PLEKHA8: variants seen among roughly 807,000 people sequenced by gnomAD.
The protein encoded by PLEKHA8 is pleckstrin homology domain-containing family A member 8.
PLEKHA8 carries 36 observed loss-of-function variants against 68.2 expected under a neutral mutation model. The ratio of observed to expected loss-of-function variants is 0.53; its 90% CI spans 0.40 to 0.70. The LOEUF is 0.70. Among genes scored for constraint, PLEKHA8 ranks in the 30% least tolerant of loss-of-function variants. The probability of loss-of-function intolerance (pLI) is 0.00; values close to 1 mark genes in which losing one functional copy is unlikely to be tolerated. For synonymous variants in PLEKHA8, 211 were observed against 216.1 expected, an observed-to-expected ratio of 0.98 and a Z score of 0.20; for missense variants, 505 against 615.4, an observed-to-expected ratio of 0.82 and a Z score of 1.90.
At chr7:30,077,526 GTCT>G (rs1177953987) in intron 13 of PLEKHA8, among the ~76,000 whole-genome samples, 1 of 152,140 alleles carries the variant, frequency 6.6e-6, no homozygotes, top group Non-Finnish European at 1.5e-5. Context: ...AGTGGTATTA[GTCT>G]TCTTCTATAA....
At chr7:30,108,067 C>CA (rs796801365) in intron 13 of PLEKHA8, among the ~76,000 whole-genome samples, 1,520 of 50,948 alleles carry the variant, frequency 0.03, 14 homozygotes, top group East Asian at 0.094. Context: ...AACTCCATCT[C>CA]AAAAAAAAAA....
intron 5 of PLEKHA8, among the ~76,000 whole-genome samples, chr7:30,050,076 C>T (rs1427600751): frequency 2.6e-5 from 4 of 152,100 alleles, no homozygotes; most frequent in African/African-American, 9.7e-5. Context: ...ACCTTTATAC[C>T]TCTAGTATTT....
chr7:30,049,493 A>G (rs753611529), intron 5 of PLEKHA8, 111 bp downstream of exon 5: 15 of 1,367,560 alleles, frequency 1.1e-5, no homozygotes, highest in Non-Finnish European at 1.5e-5. Flanking sequence ...CAGTTTTTTA[A>G]TGGACTTTGC....
intron 13 of PLEKHA8, among the ~76,000 whole-genome samples, chr7:30,103,793 A>C (rs1795958795): frequency 6.6e-6 from 1 of 152,246 alleles, no homozygotes; most frequent in Non-Finnish European, 1.5e-5. Context: ...CTGAATGTAA[A>C]AGTGAAAATT....
In PLEKHA8 at chr7:30,054,861, A is replaced by G; in HGVS notation, c.949A>G (p.Thr317Ala). ...VIPTFFSTMN[T>A]SFSDIELLED... is the part of the protein sequence containing the mutation. ...CCCAACTTTCTTTAGTACCATGAAC[A>G]CAAGGTATTCTAGACTCTTTAATAT... The change falls in exon 8 of 14, where the codon ACA becomes GCA. Residue 317 changes from threonine (T) to alanine (A), a missense_variant. Coordinates refer to ENST00000449726, the MANE Select transcript of PLEKHA8 (RefSeq NM_001197026.2). 6.2e-7 allele frequency: 1 copy of G among 1,603,088 alleles called. No homozygotes were observed. The highest frequency in any genetic ancestry group is 1.7e-5 in the Admixed American group (1 of 57,772).
At chr7:30,126,892 TGTG>T (rs544645999) in intron 13 of PLEKHA8, among the ~76,000 whole-genome samples, 234 of 152,280 alleles carry the variant, frequency 1.5e-3, no homozygotes, top group African/African-American at 5.4e-3. Context: ...TCCCACAACA[TGTG>T]GGAATTATGG....
At chr7:30,101,548 C>T (rs1291747847) in intron 13 of PLEKHA8, among the ~76,000 whole-genome samples, 2 of 152,070 alleles carry the variant, frequency 1.3e-5, no homozygotes, top group Admixed American at 1.3e-4. Flanking sequence ...CACAGCAGTC[C>T]CATTCATGAG....
At chr7:30,035,368 C>T (rs1419737211) in intron 1 of PLEKHA8, among the ~76,000 whole-genome samples, 1 of 152,158 alleles carries the variant, frequency 6.6e-6, no homozygotes, top group Non-Finnish European at 1.5e-5. Context: ...TGCAGACATG[C>T]TCCACTGTGT....
In PLEKHA8 at chr7:30,074,090, A is replaced by C. The variant is rs11977829; in HGVS notation, c.1320A>C (p.Thr440=). The change falls in exon 13 of 14, where the codon ACA becomes ACC. Residue 440 remains threonine, a synonymous_variant. Coordinates refer to ENST00000449726, the MANE Select transcript of PLEKHA8 (RefSeq NM_001197026.2). The stretch of plus-strand genomic sequence containing the variant: ...TTCAAGATAATGCATATGGTAAAAC[A>C]TTGCGGCAACACCATGGCTGGGTAG... ...QTALNNAYGK[T]LRQHHGWVVR... The C allele has an allele frequency of 6.2e-7, 1 of 1,610,560 alleles. No homozygotes were observed. Among genetic ancestry groups the C allele is most frequent in the Non-Finnish European group, 8.5e-7 (1 of 1,177,588 alleles).
At chr7:30,099,096 A>G (rs1265280285) in intron 13 of PLEKHA8, among the ~76,000 whole-genome samples, 5 of 152,226 alleles carry the variant, frequency 3.3e-5, no homozygotes, top group Non-Finnish European at 5.9e-5. Context: ...TTTTATTTTT[A>G]TAAAGTACTT....
rs1455922049 is a variant in PLEKHA8 at position 30,080,205 on chromosome 7, AG to A, written c.*1419del. The A allele has an allele frequency of 2.0e-6, 2 of 985,292 alleles. No individual in the cohort carries two copies. The highest frequency in any genetic ancestry group is 1.2e-6 in the Non-Finnish European group (1 of 829,906). 61.0% of individuals were successfully genotyped at this position (985,292 alleles called of 1,614,324 possible). ...AGTTTCTTAAACTTCTTAAAACTTA[AG>A]AAACATTGTTTCATAAAACAATATT... On this transcript the variant is annotated 3_prime_UTR_variant, in exon 14 of 14. Transcript: ENST00000449726.
chr7:30,095,031 G>C (rs533318035), downstream of PLEKHA8, among the ~76,000 whole-genome samples: 5 of 152,082 alleles, frequency 3.3e-5, no homozygotes, highest in Admixed American at 6.5e-5. Flanking sequence ...AATCCTTTGG[G>C]TATATACTCA....
At chr7:30,044,829 A>T (rs1791822565) in intron 1 of PLEKHA8, among the ~76,000 whole-genome samples, 1 of 152,226 alleles carries the variant, frequency 6.6e-6, no homozygotes, top group South Asian at 2.1e-4. Context: ...TCATTAGTGT[A>T]CTTGTTGCTT....
At chr7:30,065,518 A>G (rs543529478) in intron 12 of PLEKHA8, among the ~76,000 whole-genome samples, 8 of 150,416 alleles carry the variant, frequency 5.3e-5, no homozygotes, top group Non-Finnish European at 1.0e-4. Context: ...AGGCTCCTTG[A>G]TGCATATTTC....
At position 30,118,089 on chromosome 7, in the gene PLEKHA8, G is replaced by A. The variant is rs926356737; in HGVS notation, c.1363-11177G>A. The A allele has an allele frequency of 5.7e-6, 8 of 1,396,608 alleles. No homozygotes were observed. In the East Asian group the frequency reaches 8.2e-5, roughly 14 times the overall value. The allele number at this position is 1,396,608 out of a possible 1,614,324, so 86.5% of individuals were successfully genotyped here. A position where few individuals can be genotyped will look rare whatever the true frequency, so the allele number is the denominator to read the frequency against. The stretch of plus-strand genomic sequence containing the variant: ...ACAGGATGCATCACATCTGGGTGAC[G>A]CCTCTCTCCAGGGGATCAGCCTGGA... On this transcript the variant is annotated intron_variant, in intron 13 of 13. Transcript: ENST00000396257.
chr7:30,034,010 C>CTTTTTTTTTTTTTTT (rs56796780), intron 1 of PLEKHA8, among the ~76,000 whole-genome samples: 1 of 34,632 alleles, frequency 2.9e-5, no homozygotes, highest in African/African-American at 1.3e-4. Context: ...TAAGAGGTTT[C>CTTTTTTTTTTTTTTT]TTTTTTTTTT....
At chr7:30,070,957 A>G (rs1794196210) in intron 12 of PLEKHA8, among the ~76,000 whole-genome samples, 1 of 152,204 alleles carries the variant, frequency 6.6e-6, no homozygotes, top group Non-Finnish European at 1.5e-5. Context: ...TGTGAATTTC[A>G]ACTTGTTATT....
chr7:30,046,155 GGCT>G, intron 2 of PLEKHA8, 52 bp from the exon 3 acceptor site: 1 of 1,463,328 alleles, frequency 6.8e-7, no homozygotes. Context: ...GTGGGTTGGA[GGCT>G]ACCCAGACAG....
chr7:30,092,648 G>A (rs1051689286), downstream of PLEKHA8, among the ~76,000 whole-genome samples: 6 of 151,976 alleles, frequency 3.9e-5, no homozygotes, highest in East Asian at 1.9e-4. Context: ...CCCCTTATTC[G>A]GAGCACACTC....
Sources: gnomAD v4.1 joint callset for allele counts (sites outside exome capture counted in the v4.1 genomes callset) on GRCh38, gnomAD v4.1.1 for gene constraint, MANE v1.5 for transcripts, NCBI Gene and HGNC (gene_info 2026-07-23, HGNC 2026-07-21) for gene names.